KNTC1: variants seen among roughly 807,000 people sequenced by gnomAD.
KNTC1 encodes the protein kinetochore-associated protein 1.
In KNTC1, 253 loss-of-function variants were observed where a neutral mutation model predicts 314.4. The ratio of observed to expected loss-of-function variants is 0.80; its 90% CI spans 0.73 to 0.89. The LOEUF is 0.89. Ranked by LOEUF, KNTC1 falls within the 40% of genes least tolerant of loss-of-function variation. The pLI, the probability that KNTC1 is intolerant of heterozygous loss-of-function variation, is 0.00. For missense variants in KNTC1, 2,475 were observed against 2,572.9 expected (o/e 0.96, Z 0.82); for synonymous variants, 901 against 901.4 (o/e 1.00, Z 0.01).
chr12:122,570,772 A>G (rs1459624085), intron 22 of KNTC1, 104 bp from the exon 23 acceptor site: 2 of 800,814 alleles, frequency 2.5e-6, no homozygotes, highest in Non-Finnish European at 4.0e-6. Flanking sequence ...TAAGAGGTTT[A>G]TGGACAAAAT....
intron 48 of KNTC1, 149 bp downstream of exon 48, chr12:122,603,392 A>G (rs1487576404): frequency 1.5e-6 from 1 of 667,108 alleles, no homozygotes; most frequent in Non-Finnish European, 2.5e-6. Context: ...GGCAGTGGGC[A>G]TGGGCAGGGA....
At chr12:122,594,487 C>G in intron 43 of KNTC1, 102 bp downstream of exon 43, 1 of 708,016 alleles carries the variant, frequency 1.4e-6, no homozygotes, top group Non-Finnish European at 2.5e-6. Context: ...GTCCATAGAC[C>G]ACTATTTTCT....
At chr12:122,537,074 C>A (rs1003512965) in intron 3 of KNTC1, among the ~76,000 whole-genome samples, 2 of 152,142 alleles carry the variant, frequency 1.3e-5, no homozygotes, top group African/African-American at 4.8e-5. Context: ...AACTTGAGTT[C>A]GTAAGCCAGT....
At chr12:122,599,727 A>C (rs1414720246) in intron 44 of KNTC1, among the ~76,000 whole-genome samples, 2 of 152,130 alleles carry the variant, frequency 1.3e-5, no homozygotes, top group Non-Finnish European at 2.9e-5. Flanking sequence ...AATTACATAG[A>C]TTGCTCAAAA....
chr12:122,549,501 G>A (rs1479477450), intron 12 of KNTC1, among the ~76,000 whole-genome samples: 1 of 151,976 alleles, frequency 6.6e-6, no homozygotes, highest in Admixed American at 6.6e-5. Flanking sequence ...CCCAGTAGCT[G>A]TGATTACAGA....
intron 18 of KNTC1, 65 bp downstream of exon 18, chr12:122,557,754 A>C: frequency 9.1e-7 from 1 of 1,104,424 alleles, no homozygotes; most frequent in Non-Finnish European, 1.3e-6. Context: ...ATCTCTCATA[A>C]TCCTGCCTCA....
chr12:122,583,154 A>G (rs933269511), intron 34 of KNTC1, among the ~76,000 whole-genome samples, 169 bp downstream of exon 34: 12 of 152,258 alleles, frequency 7.9e-5, no homozygotes, highest in African/African-American at 2.9e-4. Flanking sequence ...TACTAAAAAT[A>G]CAAAAAATTA....
intron 1 of KNTC1, among the ~76,000 whole-genome samples, chr12:122,528,764 C>T (rs112763596): frequency 0.016 from 2,446 of 152,210 alleles, 57 homozygotes; most frequent in African/African-American, 0.053. Flanking sequence ...TCTTATCTTG[C>T]GTAACAGTGT....
At chr12:122,626,086 A>C in intron 63 of KNTC1, 119 bp from the exon 64 acceptor site, 2 of 725,078 alleles carry the variant, frequency 2.8e-6, no homozygotes, top group Non-Finnish European at 4.8e-6. Flanking sequence ...CTAAAATGCC[A>C]AATAGTTTGA....
chr12:122,549,939 AAAGCCTTAATAATT>A (rs1220959723), intron 13 of KNTC1, 75 bp downstream of exon 13: 1 of 793,088 alleles, frequency 1.3e-6, no homozygotes, highest in Non-Finnish European at 2.1e-6. Flanking sequence ...GGGATGATTA[AAAGCCTTAATAATT>A]AAGCTAAGCA....
intron 19 of KNTC1, 36 bp downstream of exon 19, chr12:122,562,010 GA>G (rs1964008765): frequency 6.4e-7 from 1 of 1,562,016 alleles, no homozygotes; most frequent in Non-Finnish European, 8.7e-7. Flanking sequence ...ATATGTGGGT[GA>G]ATATACCTTT....
chr12:122,529,860 G>A (rs1961155554), intron 1 of KNTC1, 131 bp from the exon 2 acceptor site: 2 of 433,718 alleles, frequency 4.6e-6, no homozygotes, highest in Admixed American at 3.9e-5. Context: ...TATGTTATTG[G>A]CCCGAAGTGT....
intron 7 of KNTC1, 51 bp from the exon 8 acceptor site, chr12:122,544,107 TG>T: frequency 1.3e-6 from 1 of 753,380 alleles, no homozygotes; most frequent in Non-Finnish European, 2.1e-6. Flanking sequence ...AGTGATTTTA[TG>T]GAGCATAAAT....
chr12:122,577,092 T>G (rs1000875354), intron 30 of KNTC1, 63 bp downstream of exon 30: 34 of 1,326,318 alleles, frequency 2.6e-5, no homozygotes, highest in South Asian at 6.4e-5. Flanking sequence ...TGTTGTTGTT[T>G]TTTGAGACAG....
In KNTC1 at chr12:122,586,741, C is replaced by A; in HGVS notation, c.3714C>A (p.Tyr1238Ter). 2 of 1,464,408 alleles carry A rather than the reference C, an allele frequency of 1.4e-6. No homozygotes were observed. The highest frequency in any genetic ancestry group is 1.5e-5 in the South Asian group (1 of 68,500). 90.7% of individuals were successfully genotyped at this position (1,464,408 alleles called of 1,614,324 possible). The change falls in exon 38 of 64, where the codon TAC becomes TAA. Residue 1238 changes from tyrosine to a stop codon, truncating the protein, a stop_gained. Coordinates refer to ENST00000333479, the MANE Select transcript of KNTC1 (RefSeq NM_014708.6). LOFTEE classifies it high-confidence loss of function. ...RYPLESTSLPYCSLNEGDGLV... is the reference protein window; with the variant it reads ...RYPLESTSLP Reference sequence around the variant, plus strand: ...CCTTGGAGTCTACCAGTTTGCCATACTGCTCCCTTAATGAAGGTATTTGGC... The same window carrying A: ...CCTTGGAGTCTACCAGTTTGCCATAATGCTCCCTTAATGAAGGTATTTGGC...
chr12:122,559,578 AT>A (rs1464441585), intron 18 of KNTC1, among the ~76,000 whole-genome samples: 5 of 74,900 alleles, frequency 6.7e-5, no homozygotes, highest in East Asian at 4.9e-4. Flanking sequence ...TTAAAAAAAA[AT>A]ATTTTATTTT....
At chr12:122,626,166 T>G (rs756966037) in intron 63 of KNTC1, 39 bp from the exon 64 acceptor site, 1 of 1,456,770 alleles carries the variant, frequency 6.9e-7, no homozygotes, top group Non-Finnish European at 9.5e-7. Flanking sequence ...AAAAACTAAG[T>G]GACTTATAAA....
At chr12:122,575,135 C>T (rs551110163) in intron 27 of KNTC1, among the ~76,000 whole-genome samples, 1 of 152,172 alleles carries the variant, frequency 6.6e-6, no homozygotes, top group East Asian at 1.9e-4. Flanking sequence ...GTGGTGCTTG[C>T]CTGTAGTCCA....
chr12:122,561,790 A>G (rs1963993181), intron 18 of KNTC1, 131 bp from the exon 19 acceptor site: 1 of 651,082 alleles, frequency 1.5e-6, no homozygotes, highest in Non-Finnish European at 2.6e-6. Context: ...AGTTCTTTAT[A>G]GTTTACTATT....
Sources: gnomAD v4.1 joint callset for allele counts (sites outside exome capture counted in the v4.1 genomes callset) on GRCh38, gnomAD v4.1.1 for gene constraint, MANE v1.5 for transcripts, NCBI Gene and HGNC (gene_info 2026-07-23, HGNC 2026-07-21) for gene names.